ARHGEF28: variants seen among roughly 807,000 people sequenced by gnomAD.
ARHGEF28 encodes the protein 190 kDa guanine nucleotide exchange factor.
ARHGEF28 carries 152 observed loss-of-function variants against 206.6 expected under a neutral mutation model. The observed-to-expected ratio is 0.74, with a 90% confidence interval of 0.64 to 0.84. The LOEUF is 0.84. Among genes scored for constraint, ARHGEF28 ranks in the 40% least tolerant of loss-of-function variants. ARHGEF28 has a pLI of 0.00. For synonymous variants in ARHGEF28, 763 were observed against 776.4 expected (o/e 0.98, Z 0.29); for missense variants, 2,028 against 2,073.2 (o/e 0.98, Z 0.42).
At chr5:73,692,816 A>G (rs1747919733) in intron 2 of ARHGEF28, among the ~76,000 whole-genome samples, 2 of 152,204 alleles carry the variant, frequency 1.3e-5, no homozygotes, top group African/African-American at 2.4e-5. Flanking sequence ...GGGGTCACCC[A>G]GCAGGGGCCT....
chr5:73,696,678 C>G (rs1011600423), intron 2 of ARHGEF28, among the ~76,000 whole-genome samples: 14 of 152,168 alleles, frequency 9.2e-5, no homozygotes, highest in African/African-American at 3.4e-4. Context: ...GAAAGGAAAT[C>G]CTTCCAATGG....
At chr5:73,781,577 A>G (rs1753847886) in intron 7 of ARHGEF28, among the ~76,000 whole-genome samples, 1 of 152,178 alleles carries the variant, frequency 6.6e-6, no homozygotes, top group Non-Finnish European at 1.5e-5. Flanking sequence ...AGTTATGGTA[A>G]TAAACAGAAG....
chr5:73,730,534 A>AT (rs968990208), intron 2 of ARHGEF28, among the ~76,000 whole-genome samples: 5,969 of 117,382 alleles, frequency 0.051, 268 homozygotes, highest in African/African-American at 0.12. Context: ...CATAAGGAGG[A>AT]TTTTTTTTTT....
intron 2 of ARHGEF28, among the ~76,000 whole-genome samples, chr5:73,736,872 G>T (rs1750968758): frequency 6.6e-6 from 1 of 152,036 alleles, no homozygotes. Flanking sequence ...GTAGAAGAGG[G>T]AGAAAGAAAC....
intron 11 of ARHGEF28, among the ~76,000 whole-genome samples, chr5:73,844,109 C>A (rs1046126718): frequency 1.3e-4 from 20 of 152,078 alleles, no homozygotes; most frequent in African/African-American, 4.6e-4. Context: ...GCCTGTGCCA[C>A]CAATATCTTA....
At chr5:73,900,455 T>G (rs1170834814) in intron 30 of ARHGEF28, 2 of 152,200 alleles carry the variant, frequency 1.3e-5, no homozygotes, top group Admixed American at 6.5e-5. Context: ...AACAGAGATT[T>G]AATGGATGAA....
At chr5:73,627,509 G>A (rs1743081672) in intron 1 of ARHGEF28, among the ~76,000 whole-genome samples, 1 of 152,084 alleles carries the variant, frequency 6.6e-6, no homozygotes, top group East Asian at 1.9e-4. Context: ...ATGACTTCTG[G>A]GAAACCTGGG....
intron 1 of ARHGEF28, among the ~76,000 whole-genome samples, chr5:73,654,027 G>T (rs1405245193): frequency 1.5e-4 from 23 of 152,186 alleles, no homozygotes; most frequent in Non-Finnish European, 8.8e-5. Flanking sequence ...ACTTTTTGGT[G>T]TCTAAATATC....
chr5:73,681,835 A>G (rs1453872540), intron 1 of ARHGEF28, among the ~76,000 whole-genome samples: 1 of 151,812 alleles, frequency 6.6e-6, no homozygotes, highest in African/African-American at 2.4e-5. Context: ...ATTGATGATT[A>G]TTTTCTGTAA....
chr5:73,686,584 T>G (rs925592619), intron 2 of ARHGEF28, among the ~76,000 whole-genome samples: 2 of 150,898 alleles, frequency 1.3e-5, no homozygotes, highest in African/African-American at 4.9e-5. Context: ...AGTGGTGCGG[T>G]CTCGGCTCAC....
At chr5:73,753,337 G>T (rs1190318814) in intron 4 of ARHGEF28, 135 bp downstream of exon 4, 1 of 922,052 alleles carries the variant, frequency 1.1e-6, no homozygotes, top group Non-Finnish European at 1.5e-6. Context: ...ATGTGGAGGG[G>T]CTCCCTGAGG....
At chr5:73,690,443 T>C (rs1211691277) in intron 2 of ARHGEF28, among the ~76,000 whole-genome samples, 1 of 148,022 alleles carries the variant, frequency 6.8e-6, no homozygotes, top group Non-Finnish European at 1.5e-5. Context: ...TGTGGTGGCA[T>C]ATACCTGTAA....
intron 7 of ARHGEF28, among the ~76,000 whole-genome samples, chr5:73,794,072 C>T (rs139422015): frequency 6.6e-6 from 1 of 152,154 alleles, no homozygotes; most frequent in Non-Finnish European, 1.5e-5. Context: ...TTACAATCTG[C>T]TATTTTGAAG....
chr5:73,789,656 GT>G lies in ARHGEF28; in HGVS notation c.911-4738del, dbSNP rs370698205. ...GTAGTTATATTGATTTTTTTGTTTA[GT>G]TTTTTTTCCAAGTTTTTATTTATTT... On this transcript the variant is annotated intron_variant, in intron 7 of 35. Coordinates refer to ENST00000513042, the MANE Select transcript of ARHGEF28 (RefSeq NM_001177693.2). Among the ~76,000 whole-genome samples, 31 of 151,814 alleles carry G rather than the reference GT, an allele frequency of 2.0e-4. No homozygotes were observed. The East Asian group carries it at 3.5e-3, about 17-fold the overall frequency.
At chr5:73,747,721 G>A (rs1751803620) in intron 2 of ARHGEF28, among the ~76,000 whole-genome samples, 2 of 152,004 alleles carry the variant, frequency 1.3e-5, no homozygotes, top group South Asian at 4.1e-4. Context: ...TGAGTGTTAG[G>A]ACTTCTGGGC....
intron 4 of ARHGEF28, among the ~76,000 whole-genome samples, chr5:73,763,440 C>T (rs1752720803): frequency 6.6e-6 from 1 of 152,182 alleles, no homozygotes; most frequent in Non-Finnish European, 1.5e-5. Flanking sequence ...GGCCAGTTTC[C>T]TGGTTGTCTT....
chr5:73,904,193 T>C, intron 31 of ARHGEF28, 29 bp from the exon 32 acceptor site: 1 of 1,610,598 alleles, frequency 6.2e-7, no homozygotes, highest in Non-Finnish European at 8.5e-7. Flanking sequence ...AGAATGGTTA[T>C]TCATTTTCTT....
intron 34 of ARHGEF28, among the ~76,000 whole-genome samples, chr5:73,910,762 T>C (rs2927705): frequency 0.64 from 97,572 of 152,036 alleles, 32,859 homozygotes; most frequent in African/African-American, 0.87. Flanking sequence ...TATTTATTTG[T>C]GTCTTTTCTA....
intron 1 of ARHGEF28, among the ~76,000 whole-genome samples, chr5:73,651,796 C>T (rs1421066708): frequency 2.0e-5 from 3 of 151,990 alleles, no homozygotes; most frequent in Non-Finnish European, 4.4e-5. Flanking sequence ...TCTTATAACT[C>T]GTGAAGTATA....
Sources: gnomAD v4.1 joint callset for allele counts (sites outside exome capture counted in the v4.1 genomes callset) on GRCh38, gnomAD v4.1.1 for gene constraint, MANE v1.5 for transcripts, NCBI Gene and HGNC (gene_info 2026-07-23, HGNC 2026-07-21) for gene names.